SEC61A2: variants seen among roughly 807,000 people sequenced by gnomAD.
SEC61A2 encodes protein transport protein Sec61 subunit alpha isoform 2.
SEC61A2 carries 28 observed loss-of-function variants against 59.9 expected under a neutral mutation model. That is an observed-to-expected ratio of 0.47 (90% CI 0.35 to 0.64). SEC61A2 has a LOEUF of 0.64. Ranked by LOEUF, SEC61A2 falls within the 30% of genes least tolerant of loss-of-function variation. SEC61A2 has a pLI of 0.01. For missense variants in SEC61A2, 340 were observed against 585.9 expected, an observed-to-expected ratio of 0.58 and a Z score of 4.33; for synonymous variants, 202 against 214.4, an observed-to-expected ratio of 0.94 and a Z score of 0.50.
At chr10:12,132,680 G>A (rs1359757326) in intron 1 of SEC61A2, among the ~76,000 whole-genome samples, 4 of 151,184 alleles carry the variant, frequency 2.6e-5, no homozygotes, top group African/African-American at 7.3e-5. Flanking sequence ...TATGCATTTC[G>A]GCATCTTTCA....
At chr10:12,141,658 A>G (rs1238294968) in intron 3 of SEC61A2, among the ~76,000 whole-genome samples, 2 of 152,084 alleles carry the variant, frequency 1.3e-5, no homozygotes, top group Non-Finnish European at 2.9e-5. Context: ...TCCTAGTTTG[A>G]TTTTCTGTGC....
intron 1 of SEC61A2, among the ~76,000 whole-genome samples, chr10:12,132,030 G>A (rs986857634): frequency 2.1e-5 from 3 of 142,528 alleles, no homozygotes; most frequent in African/African-American, 5.2e-5. Flanking sequence ...CAGGGGCTGG[G>A]TACTGCTCAC....
chr10:12,160,100 A>G lies in SEC61A2; in HGVS notation c.976-830A>G, dbSNP rs139271152. Among the ~76,000 whole-genome samples, 795 of 151,646 alleles carry G rather than the reference A, an allele frequency of 5.2e-3. 31 individuals are homozygous for G. The highest frequency in any genetic ancestry group is 0.044 in the Admixed American group (674 of 15,266). ...AGAATGCTGTTTCTGCCCTCCTTAG[A>G]ATAGTCCAGCAGCAGCTATTACTCT... On this transcript the variant is annotated intron_variant, in intron 9 of 11. Coordinates refer to ENST00000298428, the MANE Select transcript of SEC61A2 (RefSeq NM_018144.4). The surrounding 1 kb of genome is among the most constrained non-coding windows in gnomAD (Gnocchi z 4.1).
Position 12,133,280 on chromosome 10 carries a change from T to C in SEC61A2, c.47T>C (p.Leu16Pro), listed in dbSNP as rs565900600. 10 of 1,562,344 alleles carry C rather than the reference T, an allele frequency of 6.4e-6. No homozygotes were observed. Among genetic ancestry groups the C allele is most frequent in the Non-Finnish European group, 8.8e-6 (10 of 1,136,076 alleles). ...LEVIKPFCAV[L>P]PEIQKPERKI... is the part of the protein sequence containing the mutation. ...GTTATCAAACCATTCTGTGCAGTTCTACCAGAAATTCAGAAACCGGAAAGG... is the reference window on the plus strand; with the variant it reads ...GTTATCAAACCATTCTGTGCAGTTCCACCAGAAATTCAGAAACCGGAAAGG... The change falls in exon 2 of 12, where the codon CTA becomes CCA. Residue 16 changes from leucine (L) to proline (P), a missense_variant. Leu to Pro is a moderately conservative substitution (Grantham distance 98, BLOSUM62 -3). Around this residue, in one of 3 missense-constraint regions of SEC61A2, gnomAD observed 41 missense variants for 47.6 expected, o/e 0.86. Coordinates refer to ENST00000298428, the MANE Select transcript of SEC61A2 (RefSeq NM_018144.4).
chr10:12,150,922 C>G (rs758646269), intron 6 of SEC61A2, among the ~76,000 whole-genome samples: 1 of 151,994 alleles, frequency 6.6e-6, no homozygotes, highest in East Asian at 1.9e-4. Flanking sequence ...TTACAGGTGC[C>G]TGCCACCACG....
chr10:12,134,510 C>T (rs897051623), intron 2 of SEC61A2, among the ~76,000 whole-genome samples: 2 of 152,184 alleles, frequency 1.3e-5, no homozygotes, highest in Admixed American at 6.5e-5. Flanking sequence ...TTTCATTTAA[C>T]ACCGTACAAT....
At chr10:12,166,339 A>G (rs564043247), downstream of SEC61A2, 2 of 154,688 alleles carry the variant, frequency 1.3e-5, no homozygotes, top group East Asian at 3.8e-4. Flanking sequence ...TGTGATTGAA[A>G]TCAGGATTTA....
chr10:12,131,156 G>A (rs1588626719), intron 1 of SEC61A2, among the ~76,000 whole-genome samples: 1 of 152,364 alleles, frequency 6.6e-6, no homozygotes, highest in East Asian at 1.9e-4. Flanking sequence ...CTGGGCGATA[G>A]AGCGAAACTC....
intron 3 of SEC61A2, among the ~76,000 whole-genome samples, chr10:12,136,409 G>A (rs1043719897): frequency 2.0e-5 from 3 of 151,932 alleles, no homozygotes; most frequent in African/African-American, 7.3e-5. Flanking sequence ...CTGGGTTCAA[G>A]TGATTCTTCT....
downstream of SEC61A2, chr10:12,165,413 T>C (rs1834646618): frequency 1.1e-6 from 1 of 935,360 alleles, no homozygotes; most frequent in South Asian, 4.9e-5. Flanking sequence ...TTAAACGTTT[T>C]CTAAGATCAT....
downstream of SEC61A2, among the ~76,000 whole-genome samples, chr10:12,168,223 G>A (rs1834756645): frequency 6.6e-6 from 1 of 152,008 alleles, no homozygotes; most frequent in African/African-American, 2.4e-5. The surrounding 1 kb of genome is among the most constrained non-coding windows in gnomAD (Gnocchi z 4.8). Context: ...CGGGGTTTTT[G>A]CCATGTTGGC....
intron 4 of SEC61A2, among the ~76,000 whole-genome samples, chr10:12,144,846 T>TC (rs1834102562): frequency 6.6e-6 from 1 of 151,432 alleles, no homozygotes; most frequent in Non-Finnish European, 1.5e-5. Flanking sequence ...AGGTCAGGAG[T>TC]CCAGACCAGC....
rs1236850151 is a variant in SEC61A2, at chr10:12,161,163, C to A, written c.1167+42C>A. On this transcript the variant is annotated intron_variant, in intron 10 of 11. Coordinates refer to ENST00000298428, the MANE Select transcript of SEC61A2 (RefSeq NM_018144.4). This position sits in a 1 kb window ranked among gnomAD's most constrained non-coding sequence, Gnocchi z 5.4. ...TTTTAAAATAAAACTCTTGGCAATG[C>A]ATGGTGGCGCACATCTGTAATCGTA... The A allele has an allele frequency of 1.4e-6, 2 of 1,465,816 alleles. No individual in the cohort carries two copies. Among genetic ancestry groups the A allele is most frequent in the Non-Finnish European group, 1.9e-6 (2 of 1,068,418 alleles). 90.8% of individuals were successfully genotyped at this position (1,465,816 alleles called of 1,614,324 possible).
chr10:12,159,494 G>A (rs964909312), intron 9 of SEC61A2, among the ~76,000 whole-genome samples: 13 of 152,098 alleles, frequency 8.5e-5, no homozygotes, highest in African/African-American at 3.1e-4. Flanking sequence ...TTGGAGACCT[G>A]TCTGGGCAAC....
In SEC61A2 at chr10:12,158,981, C is replaced by CT. The variant is rs1159151464; in HGVS notation, c.975+890dup. On this transcript the variant is annotated intron_variant, in intron 9 of 11. Transcript: ENST00000298428. This position sits in a 1 kb window ranked among gnomAD's most constrained non-coding sequence, Gnocchi z 5.7. ...ACATCCCCCATCATAATTTTTTTTT[C>CT]TTTTTTTTTTTTTTGAGACGGAGTC... Among the ~76,000 whole-genome samples the CT allele has an allele frequency of 0.018, 2,571 of 140,086 alleles. 93 individuals are homozygous for CT. The highest frequency in any genetic ancestry group is 0.061 in the African/African-American group (2,319 of 38,028). 91.9% of individuals were successfully genotyped at this position (140,086 alleles called of 152,430 possible).
chr10:12,168,865 C>G (rs145605213), downstream of SEC61A2, among the ~76,000 whole-genome samples: 1 of 152,184 alleles, frequency 6.6e-6, no homozygotes, highest in East Asian at 1.9e-4. The surrounding 1 kb of genome is among the most constrained non-coding windows in gnomAD (Gnocchi z 4.8). Context: ...CGGGTTCAAG[C>G]GATTCTCCTG....
chr10:12,148,467 A>T (rs190529866), intron 4 of SEC61A2, among the ~76,000 whole-genome samples: 3 of 149,362 alleles, frequency 2.0e-5, no homozygotes, highest in African/African-American at 7.4e-5. Flanking sequence ...CTGGTCTCGA[A>T]CTCCTGACCT....
chr10:12,135,967 G>A, intron 2 of SEC61A2, 138 bp from the exon 3 acceptor site: 1 of 641,398 alleles, frequency 1.6e-6, no homozygotes, highest in Non-Finnish European at 2.8e-6. Context: ...AAACAAAAAT[G>A]CTTCCTTTAT....
downstream of SEC61A2, chr10:12,166,069 TA>T (rs1834678286): frequency 6.6e-6 from 1 of 152,250 alleles, no homozygotes; most frequent in African/African-American, 2.4e-5. Context: ...TTCATGTTTA[TA>T]AAAAATAGAA....
Sources: gnomAD v4.1 joint callset for allele counts (sites outside exome capture counted in the v4.1 genomes callset) on GRCh38, gnomAD v4.1.1 for gene constraint, gnomAD v4.1.1 regional missense constraint, Gnocchi (gnomAD v3.1) non-coding constraint, MANE v1.5 for transcripts, NCBI Gene and HGNC (gene_info 2026-07-23, HGNC 2026-07-21) for gene names.